Variants in SORCS2 observed in about 807,000 individuals in gnomAD.
SORCS2 encodes sortilin related VPS10 domain containing receptor 2, also known as VPS10 domain-containing receptor SorCS2.
SORCS2 carries 100 observed loss-of-function variants against 141.6 expected under a neutral mutation model. The ratio of observed to expected loss-of-function variants is 0.71; its 90% CI spans 0.60 to 0.83. SORCS2 has a LOEUF of 0.83. Among genes scored for constraint, SORCS2 ranks in the 40% least tolerant of loss-of-function variants. The pLI is 0.00. For missense variants in SORCS2, 1,646 were observed against 1,560.2 expected (o/e 1.05, Z -0.93); for synonymous variants, 789 against 676.9 (o/e 1.17, Z -2.57).
At chr4:7,312,599 T>C (rs1478407732) in intron 1 of SORCS2, among the ~76,000 whole-genome samples, 2 of 152,222 alleles carry the variant, frequency 1.3e-5, no homozygotes, top group Admixed American at 6.5e-5. Context: ...CCCTCCTATG[T>C]CAAGCTTGCC....
At chr4:7,614,801 C>T (rs1718650399) in intron 3 of SORCS2, among the ~76,000 whole-genome samples, 1 of 151,882 alleles carries the variant, frequency 6.6e-6, no homozygotes, top group Non-Finnish European at 1.5e-5. Context: ...TTCATCCATC[C>T]ACCTATCCAC....
intron 2 of SORCS2, among the ~76,000 whole-genome samples, chr4:7,398,586 C>T (rs16840242): frequency 0.018 from 2,704 of 152,312 alleles, 82 homozygotes; most frequent in African/African-American, 0.062. Flanking sequence ...ACATCCCTAC[C>T]CATCGGAGCA....
intron 3 of SORCS2, among the ~76,000 whole-genome samples, chr4:7,541,191 T>C (rs1341925442): frequency 6.6e-6 from 1 of 152,214 alleles, no homozygotes; most frequent in Non-Finnish European, 1.5e-5. Flanking sequence ...CCTGGGCTGC[T>C]GCAGGGCTGC....
intron 12 of SORCS2, among the ~76,000 whole-genome samples, chr4:7,700,131 C>G (rs974645664): frequency 6.6e-6 from 1 of 152,254 alleles, no homozygotes; most frequent in African/African-American, 2.4e-5. Flanking sequence ...GCCCCTCTGT[C>G]TCCAGCCTGT....
At chr4:7,667,435 C>T (rs944891761) in intron 8 of SORCS2, among the ~76,000 whole-genome samples, 2 of 152,226 alleles carry the variant, frequency 1.3e-5, no homozygotes, top group Non-Finnish European at 2.9e-5. Flanking sequence ...TAGGCCTCTG[C>T]CAGGCTCTTC....
intron 8 of SORCS2, among the ~76,000 whole-genome samples, chr4:7,669,246 C>T (rs2108935092): frequency 6.6e-6 from 1 of 152,342 alleles, no homozygotes; most frequent in African/African-American, 2.4e-5. Context: ...GTTTCAAGGG[C>T]ATACCAGGGA....
At chr4:7,563,394 G>C (rs776519448) in intron 3 of SORCS2, among the ~76,000 whole-genome samples, 2 of 152,168 alleles carry the variant, frequency 1.3e-5, no homozygotes, top group African/African-American at 4.8e-5. Context: ...GGGGGAGTAA[G>C]TGACCTACCC....
chr4:7,301,116 C>T (rs1717404529), intron 1 of SORCS2, among the ~76,000 whole-genome samples: 1 of 152,158 alleles, frequency 6.6e-6, no homozygotes, highest in African/African-American at 2.4e-5. Context: ...GGGACTGTGT[C>T]CTTCTGTCCC....
chr4:7,325,955 A>C (rs559776502), intron 1 of SORCS2, among the ~76,000 whole-genome samples: 17 of 152,212 alleles, frequency 1.1e-4, no homozygotes, highest in African/African-American at 3.6e-4. Flanking sequence ...GGGAACCTCA[A>C]TGTCCCTGAG....
intron 2 of SORCS2, among the ~76,000 whole-genome samples, chr4:7,513,635 G>C (rs563507635): frequency 6.6e-6 from 1 of 152,270 alleles, no homozygotes; most frequent in African/African-American, 2.4e-5. Context: ...CTTCCAGAGA[G>C]ATGGATCCCT....
intron 1 of SORCS2, among the ~76,000 whole-genome samples, chr4:7,304,607 C>T (rs976806891): frequency 2.6e-5 from 4 of 152,208 alleles, no homozygotes; most frequent in African/African-American, 9.6e-5. Flanking sequence ...ACCTGTGTCC[C>T]TTCTTAGCCC....
At chr4:7,528,850 T>C (rs200591018) in intron 2 of SORCS2, among the ~76,000 whole-genome samples, 130 of 152,252 alleles carry the variant, frequency 8.5e-4, no homozygotes, top group African/African-American at 2.9e-3. Flanking sequence ...GAGTGTTTTT[T>C]TCAGAGGCTC....
chr4:7,731,456 G>GA (rs903185809), intron 23 of SORCS2, among the ~76,000 whole-genome samples: 19 of 150,962 alleles, frequency 1.3e-4, no homozygotes, highest in Admixed American at 2.6e-4. Context: ...CACAGAAATA[G>GA]AAAAAAAAAT....
intron 1 of SORCS2, among the ~76,000 whole-genome samples, chr4:7,314,819 T>A (rs1202670055): frequency 9.4e-6 from 1 of 106,480 alleles, no homozygotes; most frequent in Non-Finnish European, 2.1e-5. Context: ...TTTTTTTTTT[T>A]TTTTTTTTTT....
intron 2 of SORCS2, among the ~76,000 whole-genome samples, chr4:7,484,028 A>G (rs1051999699): frequency 6.6e-6 from 1 of 152,152 alleles, no homozygotes; most frequent in African/African-American, 2.4e-5. Flanking sequence ...TACAGATGTT[A>G]TTTTCTGACT....
At chr4:7,658,398 G>A (rs556653169) in intron 5 of SORCS2, among the ~76,000 whole-genome samples, 1 of 152,304 alleles carries the variant, frequency 6.6e-6, no homozygotes, top group South Asian at 2.1e-4. Flanking sequence ...CACAGATGAT[G>A]GATGATGAGG....
chr4:7,674,156 A>G (rs964621969), intron 8 of SORCS2, among the ~76,000 whole-genome samples: 1 of 149,852 alleles, frequency 6.7e-6, no homozygotes, highest in East Asian at 2.0e-4. Flanking sequence ...CTGCCCCATC[A>G]TCCTTCCCTG....
chr4:7,692,700 A>G (rs1256604658), intron 11 of SORCS2, among the ~76,000 whole-genome samples: 1 of 152,212 alleles, frequency 6.6e-6, no homozygotes, highest in Non-Finnish European at 1.5e-5. Context: ...GTCCAGAGGG[A>G]CACAGGGTAT....
chr4:7,368,086 C>T (rs1366799452), intron 1 of SORCS2, among the ~76,000 whole-genome samples: 2 of 152,214 alleles, frequency 1.3e-5, no homozygotes, highest in Non-Finnish European at 2.9e-5. Flanking sequence ...ACCCTCACTC[C>T]ACCCACCCCT....
Sources: gnomAD v4.1 joint callset for allele counts (sites outside exome capture counted in the v4.1 genomes callset) on GRCh38, gnomAD v4.1.1 for gene constraint, MANE v1.5 for transcripts, NCBI Gene and HGNC (gene_info 2026-07-23, HGNC 2026-07-21) for gene names.